Variants in SFXN1 observed in about 807,000 individuals in gnomAD.
The protein encoded by SFXN1 is sideroflexin 1, also known as sideroflexin-1.
Under a neutral mutation model 39.5 loss-of-function variants are expected in SFXN1, and 32 were observed. The observed-to-expected ratio is 0.81, with a 90% confidence interval of 0.61 to 1.09. SFXN1 has a LOEUF of 1.09. SFXN1 is among the 50% of genes least tolerant of loss of function. The pLI is 0.00. For missense variants in SFXN1, 402 were observed against 407.1 expected (o/e 0.99, Z 0.11); for synonymous variants, 136 against 146.5 (o/e 0.93, Z 0.52).
intron 2 of SFXN1, among the ~76,000 whole-genome samples, chr5:175,501,818 C>T (rs183488149): frequency 1.6e-3 from 249 of 152,312 alleles, no homozygotes; most frequent in African/African-American, 5.8e-3. Flanking sequence ...TTTGTAATCA[C>T]CCAGTGGGTT....
At chr5:175,524,122 AAAAATATAT>A (rs1396968005) in intron 10 of SFXN1, 23 of 30,400 alleles carry the variant, frequency 7.6e-4, no homozygotes, top group South Asian at 2.0e-3. Flanking sequence ...AAAAAAAAAA[AAAAATATAT>A]ATATATATAT....
At chr5:175,520,781 G>A (rs1243527030) in intron 8 of SFXN1, among the ~76,000 whole-genome samples, 1 of 152,166 alleles carries the variant, frequency 6.6e-6, no homozygotes, top group African/African-American at 2.4e-5. Context: ...GCTAGGAAGC[G>A]CTGGGGAGTA....
chr5:175,516,507 G>A, intron 7 of SFXN1, 107 bp from the exon 8 acceptor site: 1 of 915,522 alleles, frequency 1.1e-6, no homozygotes, highest in South Asian at 1.6e-5. Flanking sequence ...TGTGACAGTG[G>A]AAATAGCCTA....
intron 5 of SFXN1, among the ~76,000 whole-genome samples, 169 bp from the exon 6 acceptor site, chr5:175,511,942 G>A (rs1026679172): frequency 2.0e-5 from 3 of 152,184 alleles, no homozygotes; most frequent in African/African-American, 7.2e-5. Context: ...GCACACCCAT[G>A]TGGGAAATAT....
In SFXN1 at chr5:175,527,007, C is replaced by T. The variant is rs1761087418; in HGVS notation, c.*273C>T. 1.2e-5 allele frequency: 5 copies of T among 419,746 alleles called. No individual in the cohort carries two copies. Among genetic ancestry groups the T allele is most frequent in the Non-Finnish European group, 1.7e-5 (4 of 234,744 alleles). 26.0% of individuals were successfully genotyped at this position (419,746 alleles called of 1,614,324 possible). On this transcript the variant is annotated 3_prime_UTR_variant, in exon 11 of 11. Transcript: ENST00000321442. ...GTTTTTCAAAGACGATATACCAGCC[C>T]TCACCCAGGTTTTAAAAAAGCACTG...
intron 1 of SFXN1, among the ~76,000 whole-genome samples, chr5:175,484,817 T>G (rs1759389436): frequency 6.6e-6 from 1 of 152,200 alleles, no homozygotes; most frequent in South Asian, 2.1e-4. Flanking sequence ...CACCTCAGTC[T>G]CCCAAGTAGC....
intron 6 of SFXN1, 142 bp from the exon 7 acceptor site, chr5:175,513,321 A>C (rs1760593399): frequency 1.5e-6 from 1 of 651,650 alleles, no homozygotes; most frequent in Admixed American, 3.8e-5. Context: ...AAAAAAAAAA[A>C]AAACAGATGT....
intron 6 of SFXN1, among the ~76,000 whole-genome samples, chr5:175,512,464 A>C (rs937427987): frequency 6.6e-6 from 1 of 152,224 alleles, no homozygotes; most frequent in Non-Finnish European, 1.5e-5. Flanking sequence ...CTATGTCCGT[A>C]TAATAAAAAG....
intron 8 of SFXN1, among the ~76,000 whole-genome samples, chr5:175,519,103 A>G (rs1200905361): frequency 6.6e-6 from 1 of 152,250 alleles, no homozygotes; most frequent in Non-Finnish European, 1.5e-5. Context: ...CACCTAAAAA[A>G]TGCTTAGTGT....
At chr5:175,517,094 T>C (rs1214291094) in intron 8 of SFXN1, among the ~76,000 whole-genome samples, 1 of 152,218 alleles carries the variant, frequency 6.6e-6, no homozygotes, top group African/African-American at 2.4e-5. Flanking sequence ...GAAGACATAG[T>C]TGGGCATGTT....
chr5:175,504,364 C>T (rs1424140148), intron 2 of SFXN1, among the ~76,000 whole-genome samples: 2 of 152,058 alleles, frequency 1.3e-5, no homozygotes, highest in South Asian at 4.1e-4. Context: ...CACCTGAGGT[C>T]AGGAGTTCAA....
At position 175,528,721 on chromosome 5, in the gene SFXN1, C is replaced by T. The variant is rs1330542838; in HGVS notation, c.*1987C>T. On this transcript the variant is annotated 3_prime_UTR_variant, in exon 11 of 11. Coordinates refer to ENST00000321442, the MANE Select transcript of SFXN1 (RefSeq NM_022754.7). Reference sequence around the variant, plus strand: ...GAGTCTTCTTATTTAGATTTTCTGTCTTAAACCATTGGAAGCAAAACGGTT... The same window carrying T: ...GAGTCTTCTTATTTAGATTTTCTGTTTTAAACCATTGGAAGCAAAACGGTT... The T allele has an allele frequency of 6.6e-6, 1 of 152,166 alleles. No homozygotes were observed. Among genetic ancestry groups the T allele is most frequent in the Non-Finnish European group, 1.5e-5 (1 of 68,044 alleles). 9.4% of individuals were successfully genotyped at this position (152,166 alleles called of 1,614,324 possible). A position where few individuals can be genotyped will look rare whatever the true frequency, so the allele number is the denominator to read the frequency against.
intron 2 of SFXN1, among the ~76,000 whole-genome samples, chr5:175,507,265 G>C (rs1760342356): frequency 6.6e-6 from 1 of 152,024 alleles, no homozygotes; most frequent in African/African-American, 2.4e-5. Context: ...ATGCCGTTTG[G>C]CATTTGAACT....
rs1760543925 is a variant in SFXN1, at chr5:175,512,171, A to G, written c.571A>G (p.Ile191Val). Reference sequence around the variant, plus strand: ...TGCTGCCGTAGCTGCTGCTAATTGCATTAATATTCCATTAATGAGGCAAAG... The same window carrying G: ...TGCTGCCGTAGCTGCTGCTAATTGCGTTAATATTCCATTAATGAGGCAAAG... ...PFAAVAAANC[I>V]NIPLMRQREL... The change falls in exon 6 of 11, where the codon ATT (isoleucine) becomes GTT (valine). Residue 191 changes from isoleucine to valine, a missense_variant. Coordinates refer to ENST00000321442, the MANE Select transcript of SFXN1 (RefSeq NM_022754.7). The G allele has an allele frequency of 1.9e-6, 3 of 1,614,198 alleles. No individual in the cohort carries two copies. The highest frequency in any genetic ancestry group is 4.5e-5 in the East Asian group (2 of 44,880).
intron 8 of SFXN1, 60 bp from the exon 9 acceptor site, chr5:175,521,859 A>C: frequency 8.4e-6 from 11 of 1,312,684 alleles, no homozygotes; most frequent in Non-Finnish European, 1.1e-5. Flanking sequence ...GTTAATCAGA[A>C]GATATTGCCT....
chr5:175,504,658 C>T (rs1401987071), intron 2 of SFXN1, among the ~76,000 whole-genome samples: 2 of 151,592 alleles, frequency 1.3e-5, no homozygotes, highest in African/African-American at 2.4e-5. Flanking sequence ...TTATAATAGA[C>T]ACAATGGTAG....
At chr5:175,491,471 TTTAA>T (rs781672302) in intron 1 of SFXN1, 1 of 150,094 alleles carries the variant, frequency 6.7e-6, no homozygotes, top group Non-Finnish European at 1.5e-5. Context: ...TTTATTTATT[TTTAA>T]ACTTTTTTTT....
chr5:175,510,268 G>C, intron 4 of SFXN1, 61 bp downstream of exon 4: 6 of 1,339,074 alleles, frequency 4.5e-6, no homozygotes, highest in Admixed American at 1.9e-5. Flanking sequence ...ATTAAGTGGT[G>C]ATACTCTCCT....
intron 2 of SFXN1, among the ~76,000 whole-genome samples, chr5:175,499,102 G>GA (rs1226740867): frequency 6.6e-6 from 1 of 151,794 alleles, no homozygotes; most frequent in Non-Finnish European, 1.5e-5. Flanking sequence ...TAAAAATACA[G>GA]AAATTAGCCG....
Sources: allele counts gnomAD v4.1 joint callset (sites outside exome capture counted in the v4.1 genomes callset), GRCh38; gene constraint gnomAD v4.1.1; transcripts MANE v1.5; gene names NCBI Gene and HGNC (gene_info 2026-07-23, HGNC 2026-07-21).